SGCZ: variants seen among roughly 807,000 people sequenced by gnomAD.
SGCZ encodes the protein sarcoglycan zeta, also known as zeta-sarcoglycan.
Under a neutral mutation model 41.3 loss-of-function variants are expected in SGCZ, and 40 were observed. The ratio of observed to expected loss-of-function variants is 0.97; its 90% CI spans 0.75 to 1.26. The LOEUF (loss-of-function observed/expected upper bound fraction) is 1.26, where lower values mean the gene tolerates loss of function less well. Among genes scored for constraint, SGCZ ranks in the 50% most tolerant of loss-of-function variants. SGCZ has a pLI of 0.00. For synonymous variants in SGCZ, 206 were observed against 137.5 expected (o/e 1.50, Z -3.49); for missense variants, 552 against 369.8 (o/e 1.49, Z -4.04).
intron 1 of SGCZ, among the ~76,000 whole-genome samples, chr8:15,202,623 C>T (rs1423993679): frequency 6.6e-6 from 1 of 152,050 alleles, no homozygotes; most frequent in Non-Finnish European, 1.5e-5. Flanking sequence ...TAACCAAACA[C>T]AACCTGTTCC....
In SGCZ at chr8:14,851,988, T is replaced by A. The variant is rs150991091; in HGVS notation, c.40-297062A>T. ...AGTTTATTAAACTCATCTTTGACCT[T>A]TGTTTTTTTCCTTTCTAGGAAACAA... On this transcript the variant is annotated intron_variant, in intron 1 of 7. Transcript: ENST00000382080. Among the ~76,000 whole-genome samples the A allele has an allele frequency of 2.4e-3, 373 of 152,332 alleles. 2 individuals carry two copies. Among genetic ancestry groups the A allele is most frequent in the African/African-American group, 8.6e-3 (357 of 41,596 alleles).
intron 1 of SGCZ, among the ~76,000 whole-genome samples, chr8:15,147,063 A>C (rs1799054866): frequency 6.6e-6 from 1 of 152,164 alleles, no homozygotes; most frequent in South Asian, 2.1e-4. Flanking sequence ...TACCTTTCAA[A>C]AGTTAGATCC....
intron 4 of SGCZ, among the ~76,000 whole-genome samples, chr8:14,187,426 TA>T (rs1436879100): frequency 2.0e-5 from 3 of 152,186 alleles, no homozygotes; most frequent in African/African-American, 7.2e-5. Flanking sequence ...GTAAACTTTA[TA>T]AATATGTTCA....
At chr8:14,397,680 T>A (rs2054360) in intron 2 of SGCZ, among the ~76,000 whole-genome samples, 52 of 152,272 alleles carry the variant, frequency 3.4e-4, no homozygotes, top group African/African-American at 1.2e-3. Context: ...TCACAGTTTC[T>A]CCTGATTCAA....
intron 2 of SGCZ, among the ~76,000 whole-genome samples, chr8:14,337,190 C>T (rs1387038057): frequency 6.6e-6 from 1 of 152,118 alleles, no homozygotes; most frequent in Non-Finnish European, 1.5e-5. Flanking sequence ...ATGCAGAAGC[C>T]TTCCACAAAA....
At chr8:14,258,633 T>C (rs1799548305) in intron 3 of SGCZ, among the ~76,000 whole-genome samples, 1 of 152,206 alleles carries the variant, frequency 6.6e-6, no homozygotes, top group Admixed American at 6.5e-5. Context: ...TGAGCTCTTA[T>C]GAAGTATATT....
At chr8:14,865,612 C>T (rs1245479320) in intron 1 of SGCZ, among the ~76,000 whole-genome samples, 2 of 152,094 alleles carry the variant, frequency 1.3e-5, no homozygotes, top group Admixed American at 6.6e-5. Context: ...ACCCAGCAAG[C>T]AATGATGTTC....
At chr8:14,828,934 G>A (rs758800705) in intron 1 of SGCZ, among the ~76,000 whole-genome samples, 2 of 150,952 alleles carry the variant, frequency 1.3e-5, no homozygotes, top group African/African-American at 4.9e-5. Context: ...TAACAGTCCT[G>A]ATATGGCTCC....
chr8:15,005,288 AGCCCCCTCCCCAC>A (rs763452002), intron 1 of SGCZ, among the ~76,000 whole-genome samples: 3 of 149,470 alleles, frequency 2.0e-5, no homozygotes, highest in Admixed American at 6.7e-5. Flanking sequence ...CTGTTTCCGG[AGCCCCCTCCCCAC>A]GCCCCCTCCC....
At chr8:14,549,194 A>T (rs949391512) in intron 2 of SGCZ, among the ~76,000 whole-genome samples, 1 of 152,168 alleles carries the variant, frequency 6.6e-6, no homozygotes, top group Non-Finnish European at 1.5e-5. Context: ...CAGGTTTTAC[A>T]GTAGTTATTA....
chr8:15,021,897 T>C (rs1041420247), intron 1 of SGCZ, among the ~76,000 whole-genome samples: 1 of 152,218 alleles, frequency 6.6e-6, no homozygotes, highest in Non-Finnish European at 1.5e-5. Context: ...TACTGAAATA[T>C]ACTGTCTCTT....
chr8:14,460,050 T>A (rs1371454435), intron 2 of SGCZ, among the ~76,000 whole-genome samples: 1 of 152,188 alleles, frequency 6.6e-6, no homozygotes, highest in African/African-American at 2.4e-5. Flanking sequence ...AAATAAGGCA[T>A]GTCACTTGGT....
chr8:14,399,428 C>T (rs1313027147), intron 2 of SGCZ, among the ~76,000 whole-genome samples: 1 of 152,052 alleles, frequency 6.6e-6, no homozygotes, highest in African/African-American at 2.4e-5. Context: ...ACTTGACAGG[C>T]TGGACTTCTG....
intron 1 of SGCZ, among the ~76,000 whole-genome samples, chr8:14,759,469 T>A (rs1799792132): frequency 6.6e-6 from 1 of 152,188 alleles, no homozygotes; most frequent in Admixed American, 6.5e-5. Flanking sequence ...TTTTGTACAC[T>A]TTTGGAAAGA....
chr8:15,001,561 C>T (rs1264997241), intron 1 of SGCZ, among the ~76,000 whole-genome samples: 1 of 151,914 alleles, frequency 6.6e-6, no homozygotes, highest in East Asian at 1.9e-4. Flanking sequence ...AACCCCATCT[C>T]TACTAAAAAT....
chr8:14,120,889 C>G (rs576917864), intron 5 of SGCZ, among the ~76,000 whole-genome samples: 1 of 152,158 alleles, frequency 6.6e-6, no homozygotes, highest in East Asian at 1.9e-4. Flanking sequence ...CAATCTTAAT[C>G]AGATCATCAA....
intron 2 of SGCZ, among the ~76,000 whole-genome samples, chr8:14,450,905 T>C (rs1488119556): frequency 6.6e-6 from 1 of 152,104 alleles, no homozygotes; most frequent in Non-Finnish European, 1.5e-5. Flanking sequence ...TCTAGCAACA[T>C]CCACTGAAAT....
intron 1 of SGCZ, among the ~76,000 whole-genome samples, chr8:15,166,961 G>A (rs1360766752): frequency 6.6e-6 from 1 of 152,170 alleles, no homozygotes; most frequent in African/African-American, 2.4e-5. Context: ...ACTGAACTCA[G>A]GAAGCTGAAG....
chr8:14,263,376 C>G (rs1280906107), intron 3 of SGCZ, among the ~76,000 whole-genome samples: 1 of 151,948 alleles, frequency 6.6e-6, no homozygotes, highest in Non-Finnish European at 1.5e-5. Flanking sequence ...TGATGAAACC[C>G]CATCTCTACC....
Sources: allele counts gnomAD v4.1 joint callset (sites outside exome capture counted in the v4.1 genomes callset), GRCh38; gene constraint gnomAD v4.1.1; transcripts MANE v1.5; gene names NCBI Gene and HGNC (gene_info 2026-07-23, HGNC 2026-07-21).